L3MBTL4: variants seen among roughly 807,000 people sequenced by gnomAD.
L3MBTL4 encodes L3MBTL histone methyl-lysine binding protein 4, also known as lethal(3)malignant brain tumor-like protein 4.
L3MBTL4 carries 70 observed loss-of-function variants against 84.5 expected under a neutral mutation model. That is an observed-to-expected ratio of 0.83 (90% confidence interval 0.68 to 1.01). The LOEUF is 1.01. Ranked by LOEUF, L3MBTL4 falls within the 50% of genes least tolerant of loss-of-function variation. The pLI, the probability that L3MBTL4 is intolerant of heterozygous loss-of-function variation, is 0.00. For missense variants in L3MBTL4, 715 were observed against 754.8 expected (o/e 0.95, Z 0.62); for synonymous variants, 274 against 259.8 (o/e 1.05, Z -0.52).
intron 16 of L3MBTL4, among the ~76,000 whole-genome samples, chr18:5,979,107 T>A (rs1440452620): frequency 6.6e-6 from 1 of 152,114 alleles, no homozygotes; most frequent in Admixed American, 6.5e-5. Flanking sequence ...AAAGAGTGGA[T>A]CCTTCTTGGA....
chr18:5,968,977 G>T (rs531270690), intron 17 of L3MBTL4, among the ~76,000 whole-genome samples: 71 of 152,258 alleles, frequency 4.7e-4, no homozygotes, highest in African/African-American at 1.7e-3. Flanking sequence ...GGATCCTTGA[G>T]GTGCAGGATG....
At chr18:6,084,971 G>T (rs2058211301) in intron 15 of L3MBTL4, among the ~76,000 whole-genome samples, 1 of 152,108 alleles carries the variant, frequency 6.6e-6, no homozygotes, top group Admixed American at 6.6e-5. Context: ...AAATTATGGG[G>T]CCTGCACAAG....
At chr18:6,377,236 T>C (rs1233434064) in intron 1 of L3MBTL4, among the ~76,000 whole-genome samples, 3 of 152,118 alleles carry the variant, frequency 2.0e-5, no homozygotes, top group Non-Finnish European at 2.9e-5. Context: ...GTTAAGACCA[T>C]ATAAATAGGT....
chr18:6,322,513 A>AGAAGG (rs2051476472), intron 1 of L3MBTL4, among the ~76,000 whole-genome samples: 4 of 134,528 alleles, frequency 3.0e-5, no homozygotes, highest in Admixed American at 2.2e-4. Flanking sequence ...AAAGAAGGAA[A>AGAAGG]AAAAAAACAA....
chr18:6,331,886 G>A (rs2052053017), intron 1 of L3MBTL4, among the ~76,000 whole-genome samples: 1 of 150,298 alleles, frequency 6.7e-6, no homozygotes, highest in South Asian at 2.1e-4. Context: ...AAGGAGAAGA[G>A]ACATAGAGGA....
At chr18:6,169,763 G>T (rs1194306718) in intron 13 of L3MBTL4, among the ~76,000 whole-genome samples, 1 of 151,600 alleles carries the variant, frequency 6.6e-6, no homozygotes, top group African/African-American at 2.4e-5. Flanking sequence ...CACCAACATG[G>T]CACATGTACA....
At chr18:6,147,950 G>A (rs16949507) in intron 13 of L3MBTL4, among the ~76,000 whole-genome samples, 3,935 of 152,212 alleles carry the variant, frequency 0.026, 186 homozygotes, top group African/African-American at 0.091. Flanking sequence ...AATTAAATGA[G>A]GATCCCAGAA....
At chr18:5,991,451 T>C (rs1450355974) in intron 16 of L3MBTL4, among the ~76,000 whole-genome samples, 1 of 152,202 alleles carries the variant, frequency 6.6e-6, no homozygotes, top group Non-Finnish European at 1.5e-5. Context: ...ATTCTGTTGA[T>C]TGACTCTAAA....
intron 10 of L3MBTL4, among the ~76,000 whole-genome samples, chr18:6,229,680 AT>A (rs1159450020): frequency 1.3e-5 from 2 of 152,072 alleles, no homozygotes; most frequent in Non-Finnish European, 2.9e-5. Context: ...GTCCAATTTC[AT>A]TCTTTTCCAT....
chr18:6,213,059 G>A (rs938366039), intron 12 of L3MBTL4, 90 bp downstream of exon 12: 14 of 692,338 alleles, frequency 2.0e-5, no homozygotes, highest in African/African-American at 1.3e-4. Flanking sequence ...ATTAAAAAAC[G>A]AGAAAGGTTC....
chr18:6,078,335 G>A (rs1167217890), intron 16 of L3MBTL4, among the ~76,000 whole-genome samples: 1 of 143,538 alleles, frequency 7.0e-6, no homozygotes, highest in African/African-American at 2.6e-5. Context: ...GCTGAGACAG[G>A]AGAATCACTT....
chr18:6,243,251 C>A, intron 7 of L3MBTL4, 43 bp downstream of exon 7: 1 of 1,429,966 alleles, frequency 7.0e-7, no homozygotes, highest in Non-Finnish European at 9.3e-7. Context: ...AAGTGAAATA[C>A]CAATTGATTC....
chr18:6,153,412 G>A (rs1366294365), intron 13 of L3MBTL4, among the ~76,000 whole-genome samples: 1 of 152,000 alleles, frequency 6.6e-6, no homozygotes. Flanking sequence ...AAAGTTTTCA[G>A]CAGGCAGATA....
intron 1 of L3MBTL4, among the ~76,000 whole-genome samples, chr18:6,400,692 G>A (rs930417459): frequency 2.0e-5 from 3 of 152,134 alleles, no homozygotes; most frequent in East Asian, 1.9e-4. Context: ...GATTACAGGC[G>A]TGAGACACCA....
chr18:6,024,804 G>A (rs113325046), intron 16 of L3MBTL4, among the ~76,000 whole-genome samples: 458 of 152,204 alleles, frequency 3.0e-3, no homozygotes, highest in Non-Finnish European at 5.2e-3. Context: ...TATTAAAAAA[G>A]ACCCTCATAT....
chr18:6,406,631 G>T (rs1399653237), intron 1 of L3MBTL4, among the ~76,000 whole-genome samples: 1 of 152,104 alleles, frequency 6.6e-6, no homozygotes, highest in Admixed American at 6.5e-5. Context: ...AGCTAAGGAG[G>T]GGGAGGTGCT....
At chr18:5,992,346 C>G (rs2053743171) in intron 16 of L3MBTL4, among the ~76,000 whole-genome samples, 1 of 152,092 alleles carries the variant, frequency 6.6e-6, no homozygotes, top group Non-Finnish European at 1.5e-5. Flanking sequence ...TGTATCAAAC[C>G]TGTAGTATGA....
chr18:6,198,772 G>A (rs2045520358), intron 12 of L3MBTL4, among the ~76,000 whole-genome samples: 1 of 152,200 alleles, frequency 6.6e-6, no homozygotes, highest in South Asian at 2.1e-4. Context: ...TTTAAGTGTT[G>A]ACAGTGATAG....
rs373197727 is a variant in L3MBTL4 at position 5,969,473 on chromosome 18, C to T, written c.1534G>A (p.Gly512Ser). The T allele has an allele frequency of 3.2e-5, 52 of 1,613,998 alleles. No homozygotes were observed. Among genetic ancestry groups the T allele is most frequent in the African/African-American group, 9.3e-5 (7 of 74,998 alleles). Residue 512 changes from glycine to serine, a missense_variant, in exon 17 of 19, where the codon GGC (glycine) becomes AGC (serine). Gly to Ser is a moderately conservative substitution (Grantham distance 56, BLOSUM62 0). Transcript: ENST00000317931. The part of the protein sequence containing the change: ...SAHPFRDLPL[G>S]REQHCKLLPG... ...AGCAACTTGCAGTGTTGCTCCCTGCCGAGGGGAAGGTCCCGAAAAGGGTGG... is the reference window on the plus strand; with the variant it reads ...AGCAACTTGCAGTGTTGCTCCCTGCTGAGGGGAAGGTCCCGAAAAGGGTGG...
Sources: allele counts gnomAD v4.1 joint callset (sites outside exome capture counted in the v4.1 genomes callset), GRCh38; gene constraint gnomAD v4.1.1; transcripts MANE v1.5; gene names NCBI Gene and HGNC (gene_info 2026-07-23, HGNC 2026-07-21).